Variants in FSTL5 observed in about 807,000 individuals in gnomAD.
FSTL5 encodes the protein follistatin-related protein 5.
A neutral mutation model predicts 89.1 loss-of-function variants in FSTL5; 62 were observed. That is an observed-to-expected ratio of 0.70 (90% CI 0.57 to 0.86). The LOEUF is 0.86. Among genes scored for constraint, FSTL5 ranks in the 40% least tolerant of loss-of-function variants. FSTL5 has a pLI of 0.00. For synonymous variants in FSTL5, 383 were observed against 346.2 expected, an observed-to-expected ratio of 1.11 and a Z score of -1.18; for missense variants, 1,057 against 1,001.6, an observed-to-expected ratio of 1.06 and a Z score of -0.75.
At chr4:161,927,237 T>C (rs1734152109) in intron 3 of FSTL5, among the ~76,000 whole-genome samples, 1 of 151,710 alleles carries the variant, frequency 6.6e-6, no homozygotes, top group African/African-American at 2.4e-5. Context: ...AGAAAAGGCA[T>C]ATGCTAAATC....
intron 4 of FSTL5, among the ~76,000 whole-genome samples, chr4:161,785,451 T>A (rs1299265086): frequency 1.3e-5 from 2 of 152,174 alleles, no homozygotes; most frequent in African/African-American, 2.4e-5. Flanking sequence ...TTAGAGCAAC[T>A]AAATAATAAT....
At chr4:161,494,678 A>C (rs767073892) in intron 12 of FSTL5, among the ~76,000 whole-genome samples, 12 of 152,190 alleles carry the variant, frequency 7.9e-5, no homozygotes, top group Non-Finnish European at 1.5e-4. Flanking sequence ...CCTGGATAAC[A>C]GACATTTTAG....
chr4:161,706,640 T>C (rs554320528), intron 6 of FSTL5, among the ~76,000 whole-genome samples: 133 of 152,164 alleles, frequency 8.7e-4, no homozygotes, highest in African/African-American at 3.1e-3. Context: ...TAAATGTATG[T>C]CACTTGAATA....
intron 2 of FSTL5, among the ~76,000 whole-genome samples, chr4:162,065,992 A>T (rs1383887724): frequency 6.6e-6 from 1 of 152,066 alleles, no homozygotes; most frequent in Non-Finnish European, 1.5e-5. Flanking sequence ...TATATAAAGT[A>T]CAGTTTTATA....
At chr4:161,432,236 A>T (rs1430152953) in intron 15 of FSTL5, among the ~76,000 whole-genome samples, 1 of 152,110 alleles carries the variant, frequency 6.6e-6, no homozygotes, top group African/African-American at 2.4e-5. Flanking sequence ...ACGTTAAAAA[A>T]CTGATATAAT....
chr4:161,644,651 T>C (rs1736085286), intron 7 of FSTL5, among the ~76,000 whole-genome samples: 1 of 152,190 alleles, frequency 6.6e-6, no homozygotes, highest in South Asian at 2.1e-4. Flanking sequence ...GAAATAAGTT[T>C]TCTAGAATAA....
At chr4:161,413,453 G>A (rs530495304) in intron 15 of FSTL5, among the ~76,000 whole-genome samples, 65 of 152,142 alleles carry the variant, frequency 4.3e-4, no homozygotes, top group African/African-American at 1.5e-3. Flanking sequence ...GGAGAAAAAG[G>A]CATGCTTATA....
chr4:161,810,603 A>C (rs575229464), intron 4 of FSTL5, among the ~76,000 whole-genome samples: 1 of 152,312 alleles, frequency 6.6e-6, no homozygotes, highest in African/African-American at 2.4e-5. Flanking sequence ...CAGCTGGAAG[A>C]AATAGATTAT....
At chr4:161,736,908 TAGTG>T (rs1739838286) in intron 6 of FSTL5, among the ~76,000 whole-genome samples, 1 of 152,012 alleles carries the variant, frequency 6.6e-6, no homozygotes, top group Non-Finnish European at 1.5e-5. Flanking sequence ...TACCTCAAAT[TAGTG>T]AGCAATACTC....
At chr4:161,833,669 T>C (rs188206876) in intron 4 of FSTL5, among the ~76,000 whole-genome samples, 2 of 152,140 alleles carry the variant, frequency 1.3e-5, no homozygotes, top group East Asian at 3.9e-4. Flanking sequence ...CTTTGTTGGT[T>C]TAAAGTCTGT....
At position 162,163,826 on chromosome 4, in the gene FSTL5, C is replaced by T. The variant is rs1351859018; in HGVS notation, c.-228G>A. ...CTCTCCCACGTCCGATACCACACTC[C>T]TTTGTCAAGTTGATATGGGTCCTGT... On this transcript the variant is annotated 5_prime_UTR_variant, in exon 1 of 16. Coordinates refer to ENST00000306100, the MANE Select transcript of FSTL5 (RefSeq NM_020116.5). 1.3e-5 allele frequency: 2 copies of T among 152,258 alleles called. No homozygotes were observed. Among genetic ancestry groups the T allele is most frequent in the African/African-American group, 4.8e-5 (2 of 41,446 alleles). 9.4% of individuals were successfully genotyped at this position (152,258 alleles called of 1,614,324 possible).
intron 4 of FSTL5, among the ~76,000 whole-genome samples, chr4:161,825,073 C>A (rs997798387): frequency 6.6e-6 from 1 of 152,042 alleles, no homozygotes; most frequent in Admixed American, 6.5e-5. Context: ...CCCTTCTATG[C>A]CAATTTTTCT....
At chr4:161,980,012 C>T (rs916807668) in intron 3 of FSTL5, among the ~76,000 whole-genome samples, 1 of 129,330 alleles carries the variant, frequency 7.7e-6, no homozygotes, top group Non-Finnish European at 1.6e-5. Context: ...TTATTTCCCA[C>T]CAAAAAATTA....
intron 4 of FSTL5, among the ~76,000 whole-genome samples, chr4:161,900,937 T>C (rs938777388): frequency 1.3e-5 from 2 of 152,134 alleles, no homozygotes; most frequent in African/African-American, 2.4e-5. Context: ...CTTATTATTT[T>C]TTATTTACAC....
At chr4:162,027,532 C>G (rs535856030) in intron 3 of FSTL5, among the ~76,000 whole-genome samples, 2 of 151,922 alleles carry the variant, frequency 1.3e-5, no homozygotes, top group Non-Finnish European at 2.9e-5. Flanking sequence ...ATTTCAAAAA[C>G]TTGCATTATC....
intron 6 of FSTL5, among the ~76,000 whole-genome samples, chr4:161,708,950 G>A (rs1738681794): frequency 6.6e-6 from 1 of 152,102 alleles, no homozygotes; most frequent in Admixed American, 6.5e-5. Context: ...ATACTTTTCT[G>A]CTTTAGTGTT....
chr4:162,058,722 CCTGGCAGCAA>C (rs1437802916), intron 2 of FSTL5, among the ~76,000 whole-genome samples: 17 of 152,060 alleles, frequency 1.1e-4, no homozygotes, highest in African/African-American at 3.9e-4. Flanking sequence ...AGCCATCGTG[CCTGGCAGCAA>C]CTGATCTATT....
chr4:161,441,500 A>G (rs1236364404), intron 15 of FSTL5, among the ~76,000 whole-genome samples: 2 of 152,106 alleles, frequency 1.3e-5, no homozygotes, highest in Non-Finnish European at 2.9e-5. Flanking sequence ...ATTTCTGTAA[A>G]CTAGGTTAAA....
At chr4:162,012,091 C>T (rs968238751) in intron 3 of FSTL5, among the ~76,000 whole-genome samples, 4 of 152,182 alleles carry the variant, frequency 2.6e-5, no homozygotes, top group African/African-American at 9.7e-5. Context: ...AGCTCTAAAT[C>T]TCCATGTGAT....
Sources: allele counts gnomAD v4.1 joint callset (sites outside exome capture counted in the v4.1 genomes callset), GRCh38; gene constraint gnomAD v4.1.1; transcripts MANE v1.5; gene names NCBI Gene and HGNC (gene_info 2026-07-23, HGNC 2026-07-21).